CDH3: variants seen among roughly 807,000 people sequenced by gnomAD.
CDH3 encodes the protein cadherin-3.
CDH3 carries 54 observed loss-of-function variants against 82.0 expected under a neutral mutation model. The observed-to-expected ratio is 0.66, with a 90% CI of 0.53 to 0.83. The LOEUF is 0.83. CDH3 is among the 40% of genes least tolerant of loss of function. The pLI is 0.00. For missense variants in CDH3, 1,054 were observed against 1,084.6 expected, an observed-to-expected ratio of 0.97 and a Z score of 0.40; for synonymous variants, 446 against 437.9, an observed-to-expected ratio of 1.02 and a Z score of -0.23.
chr16:68,667,700 A>G (rs1960774992), intron 2 of CDH3, among the ~76,000 whole-genome samples: 1 of 152,126 alleles, frequency 6.6e-6, no homozygotes, highest in South Asian at 2.1e-4. Flanking sequence ...TCTTTTCCCA[A>G]TAGCTCTAGT....
downstream of CDH3, among the ~76,000 whole-genome samples, chr16:68,731,391 A>ATATAT (rs1182933300): frequency 1.4e-4 from 1 of 7,358 alleles, no homozygotes; most frequent in African/African-American, 6.7e-4. Flanking sequence ...AAAAAAAAAA[A>ATATAT]AAAAATATAT....
chr16:68,665,712 A>G (rs1567442394), intron 2 of CDH3, among the ~76,000 whole-genome samples: 1 of 152,108 alleles, frequency 6.6e-6, no homozygotes, highest in Non-Finnish European at 1.5e-5. Context: ...GCCAGACAGC[A>G]CACCTCATGC....
intron 2 of CDH3, among the ~76,000 whole-genome samples, chr16:68,660,087 A>G (rs961081342): frequency 6.6e-6 from 1 of 151,744 alleles, no homozygotes; most frequent in African/African-American, 2.4e-5. Flanking sequence ...AAGTGTTTGG[A>G]TTTTTAGCAA....
At chr16:68,729,426 C>T (rs1179880335), downstream of CDH3, among the ~76,000 whole-genome samples, 3 of 152,072 alleles carry the variant, frequency 2.0e-5, no homozygotes, top group East Asian at 1.9e-4. Context: ...TAGAAACAAA[C>T]AAAGGATACA....
chr16:68,730,337 A>C (rs1242134306), downstream of CDH3, among the ~76,000 whole-genome samples: 14 of 151,354 alleles, frequency 9.2e-5, no homozygotes, highest in African/African-American at 3.2e-4. Context: ...GACCTGCCTG[A>C]CCAACATGCA....
At chr16:68,670,292 G>A (rs1339159199) in intron 2 of CDH3, among the ~76,000 whole-genome samples, 4 of 149,420 alleles carry the variant, frequency 2.7e-5, no homozygotes, top group Non-Finnish European at 5.9e-5. Context: ...CTGCATTGAC[G>A]AACCTGGCTT....
rs780906421 is a variant in CDH3 at position 68,695,806 on chromosome 16, T to C, written c.2163T>C (p.Gly721=). Residue 721 remains glycine, a synonymous_variant, in exon 15 of 16, where the codon GGT becomes GGC. Coordinates refer to ENST00000264012, the MANE Select transcript of CDH3 (RefSeq NM_001793.6). ...ATGACATCACCCAGCTCCACCGAGG[T>C]CTGGAGGCCAGGCCGGAGGTGGTTC... is the stretch of plus-strand genomic sequence containing the variant. The part of the protein sequence containing the change: ...QDYDITQLHR[G]LEARPEVVLR... The C allele has an allele frequency of 1.9e-6, 3 of 1,613,876 alleles. No homozygotes were observed.
chr16:68,673,527 T>C (rs544842641), intron 2 of CDH3, among the ~76,000 whole-genome samples: 11 of 151,606 alleles, frequency 7.3e-5, no homozygotes, highest in Non-Finnish European at 1.0e-4. Flanking sequence ...GGCGCAGTCA[T>C]GGCTCACTGC....
At chr16:68,654,253 G>T (rs1960338780) in intron 2 of CDH3, among the ~76,000 whole-genome samples, 1 of 149,000 alleles carries the variant, frequency 6.7e-6, no homozygotes, top group Admixed American at 6.7e-5. Flanking sequence ...TAGAGACAGG[G>T]TTTCACCGTG....
At chr16:68,682,240 C>T in intron 8 of CDH3, 62 bp from the exon 9 acceptor site, 1 of 1,539,706 alleles carries the variant, frequency 6.5e-7, no homozygotes, top group South Asian at 1.2e-5. Flanking sequence ...GGAGGCTTCT[C>T]AGCCTCTGGA....
intron 12 of CDH3, among the ~76,000 whole-genome samples, chr16:68,688,438 A>C (rs1393844440): frequency 2.6e-5 from 4 of 151,976 alleles, no homozygotes; most frequent in Admixed American, 2.6e-4. Context: ...AAATACAAAA[A>C]TTAGCCAGGC....
intron 9 of CDH3, among the ~76,000 whole-genome samples, chr16:68,683,372 C>T (rs945287230): frequency 2.6e-5 from 4 of 152,004 alleles, no homozygotes; most frequent in African/African-American, 7.3e-5. Context: ...AAAATCCAGA[C>T]CGGGTGCTGT....
intron 8 of CDH3, 45 bp from the exon 9 acceptor site, chr16:68,682,257 C>T (rs1961249633): frequency 6.3e-7 from 1 of 1,590,896 alleles, no homozygotes; most frequent in Non-Finnish European, 8.6e-7. Flanking sequence ...TGGAGTAGGA[C>T]AGTCATTCTC....
intron 2 of CDH3, chr16:68,646,020 C>A: frequency 2.0e-6 from 1 of 501,462 alleles, no homozygotes; most frequent in South Asian, 2.5e-5. Context: ...CTGAGCCCCT[C>A]ACCCAGTCTC....
chr16:68,703,811 G>A (rs1417281124), downstream of CDH3, among the ~76,000 whole-genome samples: 1 of 152,096 alleles, frequency 6.6e-6, no homozygotes, highest in Non-Finnish European at 1.5e-5. Flanking sequence ...GCTGGGCATG[G>A]TGGTGCGTGC....
intron 15 of CDH3, chr16:68,696,168 C>T (rs1961716612): frequency 5.8e-6 from 3 of 514,380 alleles, no homozygotes; most frequent in Non-Finnish European, 1.1e-5. Context: ...CGCCTGTAAT[C>T]TGAGCACTTT....
At chr16:68,701,240 C>T (rs779914108), downstream of CDH3, among the ~76,000 whole-genome samples, 7 of 152,202 alleles carry the variant, frequency 4.6e-5, no homozygotes, top group Middle Eastern at 3.4e-3. Flanking sequence ...CAGTCACCAG[C>T]CCCCGAGAGG....
intron 2 of CDH3, among the ~76,000 whole-genome samples, chr16:68,666,111 A>G (rs16958262): frequency 4.6e-5 from 7 of 151,764 alleles, no homozygotes; most frequent in African/African-American, 1.7e-4. Context: ...CCGAGTCTGA[A>G]TGATTTCACC....
intron 3 of CDH3, among the ~76,000 whole-genome samples, chr16:68,677,341 G>A (rs1455294250): frequency 1.3e-5 from 2 of 152,096 alleles, no homozygotes; most frequent in Non-Finnish European, 2.9e-5. Context: ...TACACAAAAG[G>A]TGGAACAGTA....
Sources: allele counts gnomAD v4.1 joint callset (sites outside exome capture counted in the v4.1 genomes callset), GRCh38; gene constraint gnomAD v4.1.1; transcripts MANE v1.5; gene names NCBI Gene and HGNC (gene_info 2026-07-23, HGNC 2026-07-21).